The following UBE2U variants were observed in gnomAD, a reference collection of about 807,000 sequenced individuals.
UBE2U encodes ubiquitin conjugating enzyme E2 U, also known as ubiquitin-conjugating enzyme E2 U.
A neutral mutation model predicts 41.2 loss-of-function variants in UBE2U; 39 were observed. That is an observed-to-expected ratio of 0.95 (90% confidence interval 0.73 to 1.24). UBE2U has a LOEUF of 1.24. Ranked by LOEUF, UBE2U falls within the 50% of genes most tolerant of loss-of-function variation. The probability of loss-of-function intolerance (pLI) is 0.00; values close to 1 mark genes in which losing one functional copy is unlikely to be tolerated. For missense variants in UBE2U, 336 were observed against 363.1 expected (o/e 0.93, Z 0.61); for synonymous variants, 107 against 117.8 (o/e 0.91, Z 0.60).
At chr1:64,266,964 T>C in intron 9 of UBE2U, 60 bp from the exon 10 acceptor site, 1 of 1,456,074 alleles carries the variant, frequency 6.9e-7, no homozygotes, top group Non-Finnish European at 9.3e-7. Context: ...AACACTTCTC[T>C]TTTTATTGTT....
chr1:64,242,772 A>G (rs928154240), intron 8 of UBE2U, among the ~76,000 whole-genome samples: 12 of 152,302 alleles, frequency 7.9e-5, no homozygotes, highest in African/African-American at 2.9e-4. Flanking sequence ...GATAAATTAC[A>G]GGAAGTAGAA....
chr1:64,266,476 A>T (rs1026939810), intron 9 of UBE2U, among the ~76,000 whole-genome samples: 1 of 152,140 alleles, frequency 6.6e-6, no homozygotes. Context: ...TGCCCATCAC[A>T]AGGGTTGTGT....
intron 9 of UBE2U, among the ~76,000 whole-genome samples, chr1:64,263,826 CAT>C (rs1645214795): frequency 1.3e-5 from 2 of 152,190 alleles, no homozygotes; most frequent in African/African-American, 4.8e-5. Flanking sequence ...CATTTTCACA[CAT>C]CTCTCCACAG....
chr1:64,244,783 G>A lies in UBE2U; in HGVS notation c.677+3050G>A, dbSNP rs970448545. 7.9e-5 allele frequency among the ~76,000 whole-genome samples: 12 copies of A among 152,072 alleles called. No homozygotes were observed. The South Asian group carries it at 2.5e-3, about 32-fold the overall frequency. ...TGGAAATTCATCTGTTCATGAAGAGGGACCAGGGCAGGGATGTTTGTGTCC... is the reference window on the plus strand; with the variant it reads ...TGGAAATTCATCTGTTCATGAAGAGAGACCAGGGCAGGGATGTTTGTGTCC... On this transcript the variant is annotated intron_variant, in intron 8 of 9. Coordinates refer to ENST00000371077, the MANE Select transcript of UBE2U (RefSeq NM_001366232.2).
At chr1:64,211,044 A>G (rs1651634381) in intron 4 of UBE2U, among the ~76,000 whole-genome samples, 1 of 152,238 alleles carries the variant, frequency 6.6e-6, no homozygotes, top group Non-Finnish European at 1.5e-5. Flanking sequence ...TTGATAGTTA[A>G]GGCCCCTCAA....
At chr1:64,232,728 T>C (rs2029868) in intron 7 of UBE2U, 79 bp downstream of exon 7, 297,697 of 1,120,218 alleles carry the variant, frequency 0.27, 40,670 homozygotes, top group Middle Eastern at 0.39. Context: ...CAAAGACTAA[T>C]TGACACACAT....
At chr1:64,245,884 T>C (rs1332462664) in intron 8 of UBE2U, among the ~76,000 whole-genome samples, 2 of 152,150 alleles carry the variant, frequency 1.3e-5, no homozygotes, top group Non-Finnish European at 1.5e-5. Context: ...AGTTTACCAG[T>C]GAGAGAAATG....
chr1:64,205,124 G>C (rs927593353), intron 1 of UBE2U, among the ~76,000 whole-genome samples: 1 of 152,148 alleles, frequency 6.6e-6, no homozygotes, highest in African/African-American at 2.4e-5. Flanking sequence ...AATTCATAAG[G>C]TTTTCTATGA....
chr1:64,231,827 A>G (rs1644571911), intron 6 of UBE2U, among the ~76,000 whole-genome samples: 1 of 152,240 alleles, frequency 6.6e-6, no homozygotes, highest in African/African-American at 2.4e-5. Context: ...CAGCTGTTTA[A>G]GCCAGTTAAT....
At chr1:64,252,549 A>G (rs1335689038) in intron 8 of UBE2U, among the ~76,000 whole-genome samples, 1 of 152,172 alleles carries the variant, frequency 6.6e-6, no homozygotes, top group Non-Finnish European at 1.5e-5. Flanking sequence ...AGAGAAAGGA[A>G]CAGGCTGCCA....
chr1:64,231,133 A>G (rs2100385508), intron 6 of UBE2U, among the ~76,000 whole-genome samples: 1 of 151,334 alleles, frequency 6.6e-6, no homozygotes, highest in East Asian at 2.0e-4. Flanking sequence ...TTTAATTATT[A>G]TGGAGGAAAA....
At chr1:64,239,086 GGAAGAGGAAGAAGAAGAAGAAGAAGAA>G (rs1644735587) in intron 7 of UBE2U, among the ~76,000 whole-genome samples, 4 of 44,138 alleles carry the variant, frequency 9.1e-5, no homozygotes, top group African/African-American at 9.2e-5. Flanking sequence ...AAGAGGAAGA[GGAAGAGGAAGAAGAAGAAGAAGAAGAA>G]GAAGAAGAAG....
intron 8 of UBE2U, among the ~76,000 whole-genome samples, chr1:64,251,165 G>A (rs1362679387): frequency 6.6e-6 from 1 of 150,436 alleles, no homozygotes; most frequent in African/African-American, 2.4e-5. Context: ...AAAAATTTTA[G>A]TATATTTAAT....
intron 8 of UBE2U, among the ~76,000 whole-genome samples, chr1:64,253,676 G>A (rs1645047053): frequency 6.6e-6 from 1 of 152,172 alleles, no homozygotes; most frequent in Admixed American, 6.5e-5. Context: ...CTTCGTAAGT[G>A]AAGGAGAAAC....
intron 7 of UBE2U, 115 bp from the exon 8 acceptor site, chr1:64,241,537 T>C: frequency 1.4e-6 from 1 of 701,674 alleles, no homozygotes. Flanking sequence ...AATTATATAG[T>C]GCATGTTATT....
chr1:64,217,457 C>T (rs1184167631), intron 5 of UBE2U, among the ~76,000 whole-genome samples: 1 of 152,116 alleles, frequency 6.6e-6, no homozygotes, highest in East Asian at 1.9e-4. Flanking sequence ...TTCATATGAG[C>T]AATTATCTGC....
chr1:64,241,775 ATTGTC>A (rs1557734705), intron 8 of UBE2U, 42 bp downstream of exon 8: 3 of 1,448,820 alleles, frequency 2.1e-6, no homozygotes, highest in Non-Finnish European at 2.9e-6. Flanking sequence ...ATTAACTTGA[ATTGTC>A]TATTATTCCA....
intron 3 of UBE2U, among the ~76,000 whole-genome samples, chr1:64,208,088 T>C (rs1467342819): frequency 6.6e-6 from 1 of 152,208 alleles, no homozygotes; most frequent in Non-Finnish European, 1.5e-5. Context: ...ACAAAAAGTA[T>C]TGTTATTTAT....
intron 6 of UBE2U, among the ~76,000 whole-genome samples, chr1:64,230,737 G>A (rs1314808460): frequency 3.9e-5 from 6 of 152,044 alleles, no homozygotes; most frequent in South Asian, 2.1e-4. Context: ...AAATGTCTCC[G>A]TTAAACCATA....
Sources: gnomAD v4.1 joint callset for allele counts (sites outside exome capture counted in the v4.1 genomes callset) on GRCh38, gnomAD v4.1.1 for gene constraint, MANE v1.5 for transcripts, NCBI Gene and HGNC (gene_info 2026-07-23, HGNC 2026-07-21) for gene names.